LPP: variants seen among roughly 807,000 people sequenced by gnomAD.
LPP encodes lipoma-preferred partner.
A neutral mutation model predicts 60.4 loss-of-function variants in LPP; 38 were observed. The observed-to-expected ratio is 0.63, with a 90% confidence interval of 0.49 to 0.83. The LOEUF is 0.83. LPP is among the 40% of genes least tolerant of loss of function. The pLI is 0.00. For missense variants in LPP, 902 were observed against 783.6 expected (o/e 1.15, Z -1.80); for synonymous variants, 328 against 290.8 (o/e 1.13, Z -1.30).
At chr3:188,424,133 T>A (rs895621025) in intron 4 of LPP, among the ~76,000 whole-genome samples, 16 of 152,286 alleles carry the variant, frequency 1.1e-4, no homozygotes, top group Admixed American at 9.8e-4. Flanking sequence ...GATTTTTGTA[T>A]AAGGTGTAAG....
chr3:188,655,555 A>G (rs957112956), intron 7 of LPP, among the ~76,000 whole-genome samples: 2 of 152,190 alleles, frequency 1.3e-5, no homozygotes, highest in African/African-American at 4.8e-5. Context: ...TTTTGAAGAT[A>G]GTGTGATTAT....
At chr3:188,769,302 T>A (rs1334524109) in intron 9 of LPP, among the ~76,000 whole-genome samples, 2 of 152,194 alleles carry the variant, frequency 1.3e-5, no homozygotes, top group African/African-American at 4.8e-5. Context: ...AGTGGGGGAA[T>A]GAATAGTTAC....
intron 4 of LPP, among the ~76,000 whole-genome samples, chr3:188,410,017 A>C (rs996154212): frequency 6.6e-6 from 1 of 152,112 alleles, no homozygotes; most frequent in Non-Finnish European, 1.5e-5. Context: ...CATTGCCTAC[A>C]ATTCTTATGA....
intron 1 of LPP, among the ~76,000 whole-genome samples, chr3:188,155,821 C>T (rs1716177263): frequency 2.0e-5 from 3 of 152,084 alleles, no homozygotes; most frequent in Admixed American, 2.0e-4. Context: ...AGAAACCAGC[C>T]TGGGCAACAT....
At chr3:188,480,571 A>G (rs1407190085) in intron 4 of LPP, among the ~76,000 whole-genome samples, 3 of 152,220 alleles carry the variant, frequency 2.0e-5, no homozygotes, top group African/African-American at 7.2e-5. Context: ...TGACCACTCT[A>G]CTGCTTCTAA....
chr3:188,572,449 G>A lies in LPP; in HGVS notation c.430-36712G>A, dbSNP rs1287943442. On this transcript the variant is annotated intron_variant, in intron 6 of 11. Transcript: ENST00000617246. The surrounding 1 kb of genome is among the most constrained non-coding windows in gnomAD (Gnocchi z 4.1). ...TAGGATTTGGGTAGAGGTTAATGTC[G>A]GTAGACACATTATTAGAGTTAAGGG... 6.6e-6 allele frequency among the ~76,000 whole-genome samples: 1 copy of A among 151,968 alleles called. No homozygotes were observed. Among genetic ancestry groups the A allele is most frequent in the Admixed American group, 6.6e-5 (1 of 15,238 alleles).
intron 6 of LPP, among the ~76,000 whole-genome samples, chr3:188,599,137 T>G (rs1203778288): frequency 6.6e-6 from 1 of 152,152 alleles, no homozygotes; most frequent in Non-Finnish European, 1.5e-5. Flanking sequence ...GTATGGGTAT[T>G]TATAATACCC....
rs114160693 is a variant in LPP at position 188,615,488 on chromosome 3, C to T, written c.1113+5644C>T. ...TTCCTGTCTTCTATCAACCTATATC[C>T]AAGCATATATTAGACTAAGTTTTAG... is the stretch of plus-strand genomic sequence containing the variant. On this transcript the variant is annotated intron_variant, in intron 7 of 11. Coordinates refer to ENST00000617246, the MANE Select transcript of LPP (RefSeq NM_001375462.1). 3.8e-3 allele frequency among the ~76,000 whole-genome samples: 584 copies of T among 152,276 alleles called. 3 individuals carry two copies. Among genetic ancestry groups the T allele is most frequent in the African/African-American group, 0.013 (540 of 41,542 alleles).
At chr3:188,796,537 T>TG (rs1658394647) in intron 9 of LPP, among the ~76,000 whole-genome samples, 1 of 152,194 alleles carries the variant, frequency 6.6e-6, no homozygotes, top group Non-Finnish European at 1.5e-5. Flanking sequence ...CCCTAAGTGT[T>TG]GTGGTTGCTA....
At chr3:188,501,608 G>A (rs1035660541) in intron 5 of LPP, among the ~76,000 whole-genome samples, 3 of 152,178 alleles carry the variant, frequency 2.0e-5, no homozygotes, top group African/African-American at 7.2e-5. Context: ...AATTAGCCGG[G>A]CGTGGTGGCG....
At chr3:188,443,470 T>C (rs1794525008) in intron 4 of LPP, among the ~76,000 whole-genome samples, 1 of 152,208 alleles carries the variant, frequency 6.6e-6, no homozygotes, top group Admixed American at 6.5e-5. Flanking sequence ...ATGGAAAGTA[T>C]TGGCCTGCAT....
chr3:188,768,479 C>T (rs1734833018), intron 9 of LPP, among the ~76,000 whole-genome samples: 1 of 152,106 alleles, frequency 6.6e-6, no homozygotes, highest in African/African-American at 2.4e-5. Context: ...AATCTTTTAG[C>T]ATAATTTGCT....
In LPP at chr3:188,351,323, C is replaced by A. The variant is rs774550510; in HGVS notation, c.-10+9604C>A. Among the ~76,000 whole-genome samples the A allele has an allele frequency of 4.3e-4, 66 of 152,312 alleles. 2 individuals are homozygous for A. The highest frequency in any genetic ancestry group is 6.9e-4 in the Non-Finnish European group (47 of 68,026). ...TAAAACCTATCTAGTCCAGCTCCCC[C>A]ACCCCAGGGAAGAAATGACTTACTT... On this transcript the variant is annotated intron_variant, in intron 3 of 11. Transcript: ENST00000617246.
At chr3:188,457,593 G>C (rs1798002697) in intron 4 of LPP, among the ~76,000 whole-genome samples, 1 of 151,818 alleles carries the variant, frequency 6.6e-6, no homozygotes, top group South Asian at 2.1e-4. Context: ...CTCGTTAGGG[G>C]TATGATTTAA....
intron 5 of LPP, among the ~76,000 whole-genome samples, chr3:188,514,374 G>A (rs935868514): frequency 6.6e-6 from 1 of 151,818 alleles, no homozygotes; most frequent in African/African-American, 2.4e-5. Flanking sequence ...AATTAACCAT[G>A]TACATCATCT....
At position 188,811,346 on chromosome 3, in the gene LPP, C is replaced by CTG. The variant is rs1462362369; in HGVS notation, c.1410+51066_1410+51067dup. 2.0e-4 allele frequency among the ~76,000 whole-genome samples: 23 copies of CTG among 117,038 alleles called. No homozygotes were observed. The South Asian group carries it at 6.2e-3, about 32-fold the overall frequency. The allele number at this position is 117,038 out of a possible 152,430, so 76.8% of individuals were successfully genotyped here. ...TTGAAAGCGAGAAAATGATTAAGTG[C>CTG]TGTATACACACACACACACACACAC... On this transcript the variant is annotated intron_variant, in intron 9 of 11. Coordinates refer to ENST00000617246, the MANE Select transcript of LPP (RefSeq NM_001375462.1).
At chr3:188,256,002 C>T (rs1731547166) in intron 2 of LPP, among the ~76,000 whole-genome samples, 1 of 152,044 alleles carries the variant, frequency 6.6e-6, no homozygotes, top group Non-Finnish European at 1.5e-5. Context: ...TTGTTAATAA[C>T]CAGATATGTA....
chr3:188,467,493 C>T (rs1397970557), intron 4 of LPP, among the ~76,000 whole-genome samples: 2 of 152,018 alleles, frequency 1.3e-5, no homozygotes, highest in African/African-American at 4.8e-5. Context: ...TAATAGCCCT[C>T]AAAGTTGTCC....
chr3:188,632,935 T>C (rs1480166171), intron 7 of LPP, among the ~76,000 whole-genome samples: 2 of 152,056 alleles, frequency 1.3e-5, no homozygotes, highest in Non-Finnish European at 2.9e-5. Context: ...ATAGACGACA[T>C]AGAAGCATGG....
Sources: gnomAD v4.1 joint callset for allele counts (sites outside exome capture counted in the v4.1 genomes callset) on GRCh38, gnomAD v4.1.1 for gene constraint, Gnocchi (gnomAD v3.1) non-coding constraint, MANE v1.5 for transcripts, NCBI Gene and HGNC (gene_info 2026-07-23, HGNC 2026-07-21) for gene names.